Variants in DNAJC3 observed in about 807,000 individuals in gnomAD.
The protein encoded by DNAJC3 is DnaJ heat shock protein family (Hsp40) member C3, also known as dnaJ homolog subfamily C member 3.
A neutral mutation model predicts 68.6 loss-of-function variants in DNAJC3; 38 were observed. The ratio of observed to expected loss-of-function variants is 0.55; its 90% CI spans 0.43 to 0.73. The LOEUF is 0.73. DNAJC3 is among the 30% of genes least tolerant of loss of function. The probability of loss-of-function intolerance (pLI) is 0.00; values close to 1 mark genes in which losing one functional copy is unlikely to be tolerated. For missense variants in DNAJC3, 526 were observed against 591.9 expected, an observed-to-expected ratio of 0.89 and a Z score of 1.16; for synonymous variants, 203 against 204.0, an observed-to-expected ratio of 1.00 and a Z score of 0.04.
intron 9 of DNAJC3, among the ~76,000 whole-genome samples, chr13:95,781,755 C>G (rs939619813): frequency 3.3e-5 from 5 of 150,252 alleles, no homozygotes; most frequent in African/African-American, 9.8e-5. Context: ...CTGGCTTATT[C>G]TATTTTTCAT....
chr13:95,679,684 C>T (rs1879862482), intron 1 of DNAJC3, among the ~76,000 whole-genome samples: 1 of 152,146 alleles, frequency 6.6e-6, no homozygotes, highest in Non-Finnish European at 1.5e-5. Context: ...GCTCTTGTCA[C>T]ACAAAAAGTA....
chr13:95,689,481 T>C (rs1033381434), intron 1 of DNAJC3, among the ~76,000 whole-genome samples: 6 of 152,050 alleles, frequency 3.9e-5, no homozygotes, highest in Non-Finnish European at 7.4e-5. Context: ...TTGAATCTTC[T>C]CTCTTTTTTT....
chr13:95,695,045 A>G (rs1880397115), intron 1 of DNAJC3: 1 of 152,284 alleles, frequency 6.6e-6, no homozygotes, highest in Non-Finnish European at 1.5e-5. Flanking sequence ...ATTGGAACGG[A>G]TCTTGTTCAA....
intron 9 of DNAJC3, among the ~76,000 whole-genome samples, chr13:95,783,285 G>A (rs966714458): frequency 2.6e-5 from 4 of 152,104 alleles, no homozygotes; most frequent in South Asian, 2.1e-4. Flanking sequence ...TTACATTTTT[G>A]TCTTATGTTG....
chr13:95,688,110 C>A (rs1378553151), intron 1 of DNAJC3, among the ~76,000 whole-genome samples: 3 of 152,178 alleles, frequency 2.0e-5, no homozygotes, highest in Admixed American at 6.5e-5. Flanking sequence ...AATGTTACTG[C>A]TGCTTGTACA....
intron 1 of DNAJC3, among the ~76,000 whole-genome samples, chr13:95,678,266 T>G (rs1007498022): frequency 2.0e-5 from 3 of 152,172 alleles, no homozygotes; most frequent in African/African-American, 7.2e-5. Flanking sequence ...AAGGGCTAGT[T>G]GTCAAGGAGG....
At chr13:95,713,190 A>T (rs1881028542) in intron 2 of DNAJC3, among the ~76,000 whole-genome samples, 1 of 152,172 alleles carries the variant, frequency 6.6e-6, no homozygotes, top group African/African-American at 2.4e-5. Context: ...GAACGAACTA[A>T]TACAATTGCC....
intron 7 of DNAJC3, among the ~76,000 whole-genome samples, chr13:95,762,863 G>A (rs138181599): frequency 1.8e-4 from 28 of 152,272 alleles, no homozygotes; most frequent in African/African-American, 5.8e-4. Flanking sequence ...GTGAGAATAT[G>A]CAGTGCTTTG....
chr13:95,724,073 T>C (rs1371472027), intron 3 of DNAJC3, among the ~76,000 whole-genome samples: 1 of 152,184 alleles, frequency 6.6e-6, no homozygotes, highest in Non-Finnish European at 1.5e-5. Context: ...TGATTAGATA[T>C]GGGGTGAATG....
intron 2 of DNAJC3, among the ~76,000 whole-genome samples, chr13:95,719,119 G>A (rs1341072555): frequency 2.0e-5 from 3 of 152,158 alleles, no homozygotes; most frequent in African/African-American, 2.4e-5. Context: ...AAACACTTAC[G>A]TTTACTGGTT....
At chr13:95,742,543 C>A (rs1245158509) in intron 4 of DNAJC3, 1 of 430,344 alleles carries the variant, frequency 2.3e-6, no homozygotes, top group Admixed American at 2.7e-5. Context: ...CTGGGGGTCA[C>A]TTACTTACTT....
chr13:95,748,417 TATATC>T (rs1882374384), intron 4 of DNAJC3, among the ~76,000 whole-genome samples: 1 of 152,332 alleles, frequency 6.6e-6, no homozygotes, highest in South Asian at 2.1e-4. Flanking sequence ...CTAACATAAT[TATATC>T]TATTATACAT....
intron 2 of DNAJC3, 66 bp downstream of exon 2, chr13:95,709,403 T>A (rs71432042): frequency 3.9e-4 from 426 of 1,089,534 alleles, no homozygotes; most frequent in Middle Eastern, 1.0e-3. Context: ...GCTCTTTTTT[T>A]AAAAATAACA....
intron 1 of DNAJC3, among the ~76,000 whole-genome samples, chr13:95,689,130 TGA>T (rs1426339873): frequency 3.4e-5 from 5 of 148,730 alleles, no homozygotes; most frequent in African/African-American, 1.3e-4. Context: ...CCTTCCTCTT[TGA>T]TTTTTTTTTT....
chr13:95,760,309 TAATAAG>T (rs1301858457), intron 6 of DNAJC3, 88 bp downstream of exon 6: 31 of 1,171,494 alleles, frequency 2.6e-5, no homozygotes, highest in Non-Finnish European at 3.4e-5. Context: ...AATATTAAAT[TAATAAG>T]ATGATGGTAG....
chr13:95,759,526 C>T (rs189613708), intron 5 of DNAJC3, among the ~76,000 whole-genome samples: 327 of 152,240 alleles, frequency 2.1e-3, no homozygotes, highest in Non-Finnish European at 3.3e-3. Flanking sequence ...GCTGCCTAAG[C>T]TGGTCTGGAA....
At chr13:95,787,548 G>C (rs948652258) in intron 11 of DNAJC3, among the ~76,000 whole-genome samples, 6 of 152,196 alleles carry the variant, frequency 3.9e-5, no homozygotes, top group East Asian at 3.8e-4. Context: ...AGCTTGCCAG[G>C]CTGGATTACA....
intron 1 of DNAJC3, among the ~76,000 whole-genome samples, chr13:95,685,321 T>C (rs945490214): frequency 3.3e-5 from 5 of 152,276 alleles, no homozygotes; most frequent in African/African-American, 1.2e-4. Flanking sequence ...TGCTGGGTTT[T>C]AGCACGTGCA....
chr13:95,690,938 C>T (rs1880227835), intron 1 of DNAJC3, among the ~76,000 whole-genome samples: 1 of 138,188 alleles, frequency 7.2e-6, no homozygotes, highest in Admixed American at 7.1e-5. Context: ...CCACCTCCCT[C>T]CCGGACGGGG....
Sources: gnomAD v4.1 joint callset for allele counts (sites outside exome capture counted in the v4.1 genomes callset) on GRCh38, gnomAD v4.1.1 for gene constraint, MANE v1.5 for transcripts, NCBI Gene and HGNC (gene_info 2026-07-23, HGNC 2026-07-21) for gene names.